Variants in KRIT1 observed in about 807,000 individuals in gnomAD.
KRIT1 encodes the protein KRIT1 ankyrin repeat containing, also known as krev interaction trapped protein 1.
In KRIT1, 45 loss-of-function variants were observed where a neutral mutation model predicts 95.8. The observed-to-expected ratio is 0.47, with a 90% CI of 0.37 to 0.60. The LOEUF is 0.60. Ranked by LOEUF, KRIT1 falls within the 20% of genes least tolerant of loss-of-function variation. The pLI, the probability that KRIT1 is intolerant of heterozygous loss-of-function variation, is 0.00. For synonymous variants in KRIT1, 282 were observed against 278.8 expected, an observed-to-expected ratio of 1.01 and a Z score of -0.11; for missense variants, 788 against 877.5, an observed-to-expected ratio of 0.90 and a Z score of 1.29.
intron 17 of KRIT1, among the ~76,000 whole-genome samples, chr7:92,204,810 C>T (rs1192770368): frequency 2.0e-5 from 3 of 152,084 alleles, no homozygotes; most frequent in East Asian, 3.9e-4. Context: ...GGCCATGGAC[C>T]GGTACCAGTC....
rs567181702 is a variant in KRIT1, at chr7:92,242,445, G to A, written c.-2-308C>T. 1.8e-3 allele frequency among the ~76,000 whole-genome samples: 267 copies of A among 152,156 alleles called. 2 individuals carry two copies. Among genetic ancestry groups the A allele is most frequent in the Non-Finnish European group, 3.3e-3 (226 of 68,004 alleles). On this transcript the variant is annotated intron_variant, in intron 3 of 18. Coordinates refer to ENST00000394505, the MANE Select transcript of KRIT1 (RefSeq NM_194454.3). ...CATTTTCATAGGTGTTAACTGCATA[G>A]TAAGAATCTGCCTTTGGGGCCAAAA...
At chr7:92,220,574 T>G (rs1200563563) in intron 14 of KRIT1, among the ~76,000 whole-genome samples, 16 of 152,102 alleles carry the variant, frequency 1.1e-4, no homozygotes, top group Non-Finnish European at 1.5e-5. Context: ...AATTAAGAAA[T>G]GTATTCTATT....
At position 92,242,643 on chromosome 7, in the gene KRIT1, C is replaced by T. The variant is rs182745750; in HGVS notation, c.-2-506G>A. ...CCATTGACATTTACTCCAGAACTTT[C>T]AGCAAGGATAACTTTGATATCAGAC... On this transcript the variant is annotated intron_variant, in intron 3 of 18. Transcript: ENST00000394505. Among the ~76,000 whole-genome samples, 325 of 152,300 alleles carry T rather than the reference C, an allele frequency of 2.1e-3. 4 individuals carry two copies. The highest frequency in any genetic ancestry group is 7.2e-3 in the African/African-American group (300 of 41,564).
intron 10 of KRIT1, among the ~76,000 whole-genome samples, chr7:92,227,692 G>A (rs996279126): frequency 1.3e-5 from 2 of 150,914 alleles, no homozygotes; most frequent in Non-Finnish European, 3.0e-5. Context: ...GCGCCACCAC[G>A]CCCAGCTAAT....
downstream of KRIT1, chr7:92,199,069 G>A (rs1024501765): frequency 6.6e-6 from 1 of 152,252 alleles, no homozygotes; most frequent in South Asian, 2.1e-4. Context: ...CCATTTAGAT[G>A]GACCTAGAAC....
At chr7:92,244,294 A>C (rs1439819838) in intron 2 of KRIT1, 145 bp from the exon 3 acceptor site, 1 of 152,182 alleles carries the variant, frequency 6.6e-6, no homozygotes, top group Admixed American at 6.5e-5. Context: ...AAAGCAAATC[A>C]ATTCCTGTCT....
chr7:92,213,537 C>T lies in KRIT1; in HGVS notation c.1819-136G>A, dbSNP rs578258177. 6.2e-6 allele frequency: 4 copies of T among 641,534 alleles called. No homozygotes were observed. In the East Asian group the frequency reaches 1.1e-4, roughly 18 times the overall value. The allele number at this position is 641,534 out of a possible 1,614,324, so 39.7% of individuals were successfully genotyped here. A position where few individuals can be genotyped will look rare whatever the true frequency, so the allele number is the denominator to read the frequency against. On this transcript the variant is annotated intron_variant, in intron 16 of 18. Transcript: ENST00000394505. Reference sequence around the variant, plus strand: ...AGAATAAAATTATGGCACATTGTATCAGGAGTACTTTTTCTCTTGTGATGT... The same window carrying T: ...AGAATAAAATTATGGCACATTGTATTAGGAGTACTTTTTCTCTTGTGATGT...
intron 14 of KRIT1, among the ~76,000 whole-genome samples, chr7:92,220,071 A>G (rs1473362645): frequency 1.3e-5 from 2 of 152,170 alleles, no homozygotes; most frequent in African/African-American, 2.4e-5. Context: ...GGTCTTGATT[A>G]TTGGTGAAAG....
rs569494969 is a variant in KRIT1 at position 92,213,353 on chromosome 7, G to A, written c.1867C>T (p.Arg623Cys). Residue 623 changes from arginine (R) to cysteine (C), a missense_variant, in exon 17 of 19, where the codon CGC (arginine) becomes TGC (cysteine). Coordinates refer to ENST00000394505, the MANE Select transcript of KRIT1 (RefSeq NM_194454.3). ...TCCCAGCAATTCTGTAAGAACATGC[G>A]CTGAAGGTGATGCATTTCTTTACTG... ...GVSKEMHHLQ[R>C]MFLQNCWEIP... 3.1e-5 allele frequency: 50 copies of A among 1,613,346 alleles called. No individual in the cohort carries two copies. The highest frequency in any genetic ancestry group is 6.6e-5 in the South Asian group (6 of 91,062).
intron 10 of KRIT1, among the ~76,000 whole-genome samples, chr7:92,233,170 AC>A (rs1797688723): frequency 1.5e-5 from 1 of 65,602 alleles, no homozygotes; most frequent in Non-Finnish European, 3.9e-5. Context: ...ATACACACAC[AC>A]ACACACACAC....
At chr7:92,228,963 C>T (rs1796745322) in intron 10 of KRIT1, among the ~76,000 whole-genome samples, 1 of 152,182 alleles carries the variant, frequency 6.6e-6, no homozygotes, top group Non-Finnish European at 1.5e-5. Flanking sequence ...ATACATACCA[C>T]ATTTTCTTTA....
chr7:92,202,325 T>C (rs1790363207), intron 17 of KRIT1: 1 of 152,220 alleles, frequency 6.6e-6, no homozygotes, highest in Non-Finnish European at 1.5e-5. Context: ...CTACTGCACA[T>C]GGACCAGCCA....
chr7:92,235,524 T>A lies in KRIT1; in HGVS notation c.608A>T (p.Glu203Val). 1.2e-6 allele frequency: 2 copies of A among 1,614,060 alleles called. No individual in the cohort carries two copies. Among genetic ancestry groups the A allele is most frequent in the Non-Finnish European group, 1.7e-6 (2 of 1,179,962 alleles). The change falls in exon 8 of 19, where the codon GAA (glutamate) becomes GTA (valine). Residue 203 changes from glutamate to valine, a missense_variant. By Grantham distance (121) the Glu-to-Val change is moderately radical. Transcript: ENST00000394505. Reference protein sequence around the residue: ...PAYATESGQTENSLHMGYSAL... With the variant: ...PAYATESGQTVNSLHMGYSAL... ...ACTATAGCCCATATGTAGTGAGTTT[T>A]CTGTCTGACCTGATTCAGTAGCATA...
intron 17 of KRIT1, among the ~76,000 whole-genome samples, chr7:92,210,541 A>T (rs1563233022): frequency 6.6e-6 from 1 of 152,244 alleles, no homozygotes; most frequent in Non-Finnish European, 1.5e-5. Context: ...GTCAATATGG[A>T]TAAAAAACCT....
At chr7:92,226,381 T>C (rs1265933190) in intron 11 of KRIT1, 145 bp downstream of exon 11, 4 of 691,564 alleles carry the variant, frequency 5.8e-6, no homozygotes, top group Admixed American at 4.5e-5. Flanking sequence ...GTACAACTCA[T>C]ATATTCCGTT....
chr7:92,242,690 G>C (rs1585034495), intron 3 of KRIT1, among the ~76,000 whole-genome samples: 2 of 152,204 alleles, frequency 1.3e-5, no homozygotes, highest in Non-Finnish European at 2.9e-5. Flanking sequence ...CTAAAGCGTA[G>C]TATGTAATTT....
At position 92,200,690 on chromosome 7, in the gene KRIT1, C is replaced by T. The variant is rs369227523; in HGVS notation, c.*46G>A. Reference sequence around the variant, plus strand: ...TAAGAAATCTTTCACGGAAAAAAAACTCTGCATTACAAAATGTGGTGGCTT... The same window carrying T: ...TAAGAAATCTTTCACGGAAAAAAAATTCTGCATTACAAAATGTGGTGGCTT... On this transcript the variant is annotated 3_prime_UTR_variant, in exon 19 of 19. Coordinates refer to ENST00000394505, the MANE Select transcript of KRIT1 (RefSeq NM_194454.3). The T allele has an allele frequency of 6.1e-5, 75 of 1,231,332 alleles. No homozygotes were observed. The African/African-American group carries it at 1.1e-3, about 17-fold the overall frequency. The allele number at this position is 1,231,332 out of a possible 1,614,324, so 76.3% of individuals were successfully genotyped here.
intron 18 of KRIT1, 82 bp from the exon 19 acceptor site, chr7:92,200,886 A>T: frequency 6.3e-6 from 6 of 953,170 alleles, no homozygotes; most frequent in South Asian, 1.4e-5. Flanking sequence ...GCAGTTCCCT[A>T]TCTATTTGAA....
chr7:92,229,508 A>C (rs1162348199), intron 10 of KRIT1, among the ~76,000 whole-genome samples: 2 of 152,224 alleles, frequency 1.3e-5, no homozygotes, highest in Non-Finnish European at 1.5e-5. Flanking sequence ...TTTCTAAAGA[A>C]GACATACAAG....
Sources: gnomAD v4.1 joint callset for allele counts (sites outside exome capture counted in the v4.1 genomes callset) on GRCh38, gnomAD v4.1.1 for gene constraint, MANE v1.5 for transcripts, NCBI Gene and HGNC (gene_info 2026-07-23, HGNC 2026-07-21) for gene names.